Variants in CHN1 observed in about 807,000 individuals in gnomAD.
CHN1 encodes chimerin 1.
CHN1 carries 37 observed loss-of-function variants against 59.5 expected under a neutral mutation model. That is an observed-to-expected ratio of 0.62 (90% confidence interval 0.48 to 0.82). The LOEUF (loss-of-function observed/expected upper bound fraction) is 0.82. CHN1 is among the 40% of genes least tolerant of loss of function. The probability of loss-of-function intolerance (pLI) is 0.00; values close to 1 mark genes in which losing one functional copy is unlikely to be tolerated. For synonymous variants in CHN1, 206 were observed against 200.4 expected, an observed-to-expected ratio of 1.03 and a Z score of -0.24; for missense variants, 469 against 571.0, an observed-to-expected ratio of 0.82 and a Z score of 1.82.
chr2:174,818,607 AT>A (rs1351050789), intron 8 of CHN1, among the ~76,000 whole-genome samples: 1 of 152,020 alleles, frequency 6.6e-6, no homozygotes, highest in Non-Finnish European at 1.5e-5. Context: ...TTGGTAGGTT[AT>A]TTTTATGTTA....
intron 7 of CHN1, among the ~76,000 whole-genome samples, chr2:174,829,306 T>C (rs1432475370): frequency 6.6e-6 from 1 of 151,698 alleles, no homozygotes; most frequent in Non-Finnish European, 1.5e-5. Context: ...AAGGACAGGG[T>C]GGGAAAGGGT....
chr2:174,838,941 C>T (rs1157253440), intron 7 of CHN1, among the ~76,000 whole-genome samples: 1 of 151,706 alleles, frequency 6.6e-6, no homozygotes, highest in African/African-American at 2.4e-5. Context: ...AGCTTGAACC[C>T]AGGAGGCGGA....
intron 1 of CHN1, among the ~76,000 whole-genome samples, chr2:175,002,059 C>T (rs760723744): frequency 2.0e-5 from 3 of 152,204 alleles, no homozygotes; most frequent in Non-Finnish European, 4.4e-5. Flanking sequence ...CTAGAAAAGA[C>T]TCTGAAGTGC....
At chr2:174,863,121 C>T (rs11894407) in intron 6 of CHN1, among the ~76,000 whole-genome samples, 15 of 152,240 alleles carry the variant, frequency 9.9e-5, no homozygotes, top group African/African-American at 3.6e-4. Flanking sequence ...CTGGTAAGAT[C>T]AATGATGATA....
intron 1 of CHN1, among the ~76,000 whole-genome samples, chr2:174,953,180 A>G (rs1331199774): frequency 1.3e-5 from 2 of 151,810 alleles, no homozygotes; most frequent in African/African-American, 2.4e-5. Flanking sequence ...AAAAAAAAAA[A>G]TCCCTGGAAA....
chr2:174,831,164 T>C (rs962267354), intron 7 of CHN1, among the ~76,000 whole-genome samples: 8 of 152,234 alleles, frequency 5.3e-5, no homozygotes, highest in African/African-American at 1.7e-4. Flanking sequence ...TTAATTGGTA[T>C]ACAAAACAAT....
chr2:174,881,378 A>G (rs747837652), intron 5 of CHN1, among the ~76,000 whole-genome samples: 6 of 152,120 alleles, frequency 3.9e-5, no homozygotes, highest in Non-Finnish European at 5.9e-5. Context: ...TTGGCATCAG[A>G]CAGTTGTAAG....
At chr2:174,903,493 A>G (rs905901618) in intron 5 of CHN1, among the ~76,000 whole-genome samples, 1 of 152,188 alleles carries the variant, frequency 6.6e-6, no homozygotes, top group Non-Finnish European at 1.5e-5. Flanking sequence ...GAAGGATAGA[A>G]AGTAATTGTG....
At position 174,800,366 on chromosome 2, in the gene CHN1, A is replaced by G. The variant is rs1684681000; in HGVS notation, c.1209-79T>C. Reference sequence around the variant, plus strand: ...ATTGTGCTTGAACACTAAAACAACAAGATTCACAATAAAAGTTTGCGTCCG... The same window carrying G: ...ATTGTGCTTGAACACTAAAACAACAGGATTCACAATAAAAGTTTGCGTCCG... On this transcript the variant is annotated intron_variant, in intron 12 of 12. Coordinates refer to ENST00000409900, the MANE Select transcript of CHN1 (RefSeq NM_001822.7). The G allele has an allele frequency of 2.7e-6, 3 of 1,118,740 alleles. No individual in the cohort carries two copies. The Admixed American group carries it at 8.6e-5, about 32-fold the overall frequency. The allele number at this position is 1,118,740 out of a possible 1,614,324, so 69.3% of individuals were successfully genotyped here. A position where few individuals can be genotyped will look rare whatever the true frequency, so the allele number is the denominator to read the frequency against.
At chr2:174,968,104 T>C (rs212367) in intron 1 of CHN1, among the ~76,000 whole-genome samples, 3,025 of 152,320 alleles carry the variant, frequency 0.02, 91 homozygotes, top group African/African-American at 0.068. Context: ...AAAAGGACAG[T>C]TGCTCAGAAA....
At chr2:174,970,521 A>G (rs1011384477) in intron 1 of CHN1, among the ~76,000 whole-genome samples, 5 of 152,222 alleles carry the variant, frequency 3.3e-5, no homozygotes, top group Non-Finnish European at 7.3e-5. Flanking sequence ...ATATTTAAAG[A>G]TTTTTCCCAT....
intron 6 of CHN1, among the ~76,000 whole-genome samples, chr2:174,868,503 C>T (rs1055028308): frequency 2.0e-5 from 3 of 152,138 alleles, no homozygotes; most frequent in South Asian, 4.1e-4. Flanking sequence ...CTCCAGTCAA[C>T]GTGCATTGAA....
intron 5 of CHN1, among the ~76,000 whole-genome samples, chr2:174,912,664 T>C (rs546935825): frequency 1.3e-5 from 2 of 152,310 alleles, no homozygotes; most frequent in African/African-American, 4.8e-5. Flanking sequence ...CCAGTTGAAA[T>C]GGGAGTATCA....
intron 7 of CHN1, among the ~76,000 whole-genome samples, chr2:174,826,922 T>C (rs1043172170): frequency 1.3e-5 from 2 of 152,186 alleles, no homozygotes; most frequent in African/African-American, 4.8e-5. Flanking sequence ...TCCTGAGCCA[T>C]TTGAGGCTGG....
intron 6 of CHN1, chr2:174,847,677 AAATC>A: frequency 7.6e-7 from 1 of 1,312,846 alleles, no homozygotes; most frequent in South Asian, 1.3e-5. Flanking sequence ...TAACCAATGA[AAATC>A]AAGCAACAGT....
chr2:174,894,758 G>A (rs1234479316), intron 5 of CHN1, among the ~76,000 whole-genome samples: 1 of 152,202 alleles, frequency 6.6e-6, no homozygotes, highest in Non-Finnish European at 1.5e-5. Flanking sequence ...AGAAAATGTG[G>A]TACAGTAGTC....
rs1692012892 is a variant in CHN1, at chr2:175,004,899, A to T, written c.14T>A (p.Leu5Gln). The change falls in exon 1 of 13, where the codon CTG (leucine) becomes CAG (glutamine). Residue 5 changes from leucine to glutamine, a missense_variant. Physicochemically the swap from Leu to Gln is moderately radical, Grantham distance 113. Coordinates refer to ENST00000409900, the MANE Select transcript of CHN1 (RefSeq NM_001822.7). ...GGGGAGACGGCTGCACTTACCAAAC[A>T]GGGTCAGGGCCATTGTAAAGGCGCT... MALTLFDTDEYRPPV... is the reference protein window; with the variant it reads MALTQFDTDEYRPPV... 2 of 1,514,594 alleles carry T rather than the reference A, an allele frequency of 1.3e-6. No individual in the cohort carries two copies. The allele number at this position is 1,514,594 out of a possible 1,614,324, so 93.8% of individuals were successfully genotyped here.
intron 5 of CHN1, among the ~76,000 whole-genome samples, chr2:174,889,890 T>C (rs1265904719): frequency 6.6e-6 from 1 of 152,006 alleles, no homozygotes; most frequent in South Asian, 2.1e-4. Context: ...TATGTGTGTG[T>C]GTGTGTGTGT....
At chr2:174,996,016 A>G (rs1691695050) in intron 1 of CHN1, among the ~76,000 whole-genome samples, 1 of 147,352 alleles carries the variant, frequency 6.8e-6, no homozygotes, top group South Asian at 2.1e-4. Flanking sequence ...AAATTTTGCC[A>G]TCGCTATGTT....
Sources: allele counts gnomAD v4.1 joint callset (sites outside exome capture counted in the v4.1 genomes callset), GRCh38; gene constraint gnomAD v4.1.1; transcripts MANE v1.5; gene names NCBI Gene and HGNC (gene_info 2026-07-23, HGNC 2026-07-21).